The following CTNND2 variants were observed in gnomAD, a reference collection of about 807,000 sequenced individuals.
The protein encoded by CTNND2 is catenin delta 2.
Under a neutral mutation model 144.4 loss-of-function variants are expected in CTNND2, and 22 were observed. The observed-to-expected ratio is 0.15, with a 90% confidence interval of 0.11 to 0.22. CTNND2 has a LOEUF of 0.22. CTNND2 is among the 10% of genes least tolerant of loss of function. The pLI is 1.00. For synonymous variants in CTNND2, 751 were observed against 695.6 expected (o/e 1.08, Z -1.25); for missense variants, 1,353 against 1,618.8 (o/e 0.84, Z 2.82).
At chr5:11,467,129 T>C (rs570066372) in intron 3 of CTNND2, among the ~76,000 whole-genome samples, 1 of 152,330 alleles carries the variant, frequency 6.6e-6, no homozygotes, top group South Asian at 2.1e-4. Context: ...CATACCATCA[T>C]CTGTAAGAGA....
intron 16 of CTNND2, among the ~76,000 whole-genome samples, chr5:11,070,693 G>GA (rs34378533): frequency 0.5 from 76,051 of 151,884 alleles, 20,452 homozygotes; most frequent in Non-Finnish European, 0.63. Context: ...TTGAAGTGCT[G>GA]AAAAAAATTA....
chr5:11,250,520 T>TATACATATA (rs1491283471), intron 9 of CTNND2, among the ~76,000 whole-genome samples: 87 of 5,470 alleles, frequency 0.016, 3 homozygotes, highest in East Asian at 0.05. Context: ...TATACATATA[T>TATACATATA]TTTTTTTTTT....
rs951145954 is a variant in CTNND2, at chr5:10,988,108, C to T, written c.3343+3G>A. ...CAGGAGGGGGCGCGCGAGGGGCGCT[C>T]ACCTGTCATGGCATCTTTCCTGGAA... is the stretch of plus-strand genomic sequence containing the variant. On this transcript the variant is annotated splice_donor_region_variant and intron_variant, in intron 20 of 21. Coordinates refer to ENST00000304623, the MANE Select transcript of CTNND2 (RefSeq NM_001332.4). This position sits in a 1 kb window ranked among gnomAD's most constrained non-coding sequence, Gnocchi z 5.9. 3.1e-6 allele frequency: 5 copies of T among 1,614,072 alleles called. No individual in the cohort carries two copies. In the East Asian group the frequency reaches 1.1e-4, roughly 36 times the overall value.
intron 10 of CTNND2, among the ~76,000 whole-genome samples, chr5:11,220,772 G>T (rs867954928): frequency 6.6e-6 from 1 of 152,158 alleles, no homozygotes; most frequent in Admixed American, 6.5e-5. Context: ...GTTCAGAGAC[G>T]TTTTGGCTTA....
intron 3 of CTNND2, among the ~76,000 whole-genome samples, chr5:11,548,756 C>T (rs62338590): frequency 0.17 from 26,147 of 152,128 alleles, 2,658 homozygotes; most frequent in Admixed American, 0.29. Flanking sequence ...CGTTTCTTTA[C>T]ATTTTGTTTC....
intron 2 of CTNND2, among the ~76,000 whole-genome samples, chr5:11,700,305 G>C (rs1320220955): frequency 1.3e-5 from 2 of 152,092 alleles, no homozygotes. Context: ...CAGGAGAATT[G>C]CATGAACCCA....
At chr5:11,396,634 T>C (rs1222571930) in intron 6 of CTNND2, among the ~76,000 whole-genome samples, 1 of 152,088 alleles carries the variant, frequency 6.6e-6, no homozygotes, top group African/African-American at 2.4e-5. Flanking sequence ...CACAAAGCAA[T>C]CCCATGCTTT....
intron 1 of CTNND2, among the ~76,000 whole-genome samples, chr5:11,869,837 C>T (rs1795942515): frequency 6.6e-6 from 1 of 152,150 alleles, no homozygotes; most frequent in Non-Finnish European, 1.5e-5. Context: ...ATGTGTATTT[C>T]CTTTTCCTGT....
intron 9 of CTNND2, among the ~76,000 whole-genome samples, chr5:11,283,515 A>C (rs534458243): frequency 3.9e-5 from 6 of 151,988 alleles, no homozygotes; most frequent in Middle Eastern, 3.4e-3. Context: ...CTCTACTAAA[A>C]ATACAAAAAT....
chr5:11,849,211 C>T (rs972291584), intron 1 of CTNND2, among the ~76,000 whole-genome samples: 1 of 152,016 alleles, frequency 6.6e-6, no homozygotes, highest in Admixed American at 6.6e-5. Context: ...AAAGGGGTTT[C>T]TCCTTATAAA....
At position 11,110,066 on chromosome 5, in the gene CTNND2, G is replaced by T. The variant is rs562566057; in HGVS notation, c.2463+792C>A. Among the ~76,000 whole-genome samples, 4 of 152,252 alleles carry T rather than the reference G, an allele frequency of 2.6e-5. No individual in the cohort carries two copies. The South Asian group carries it at 6.2e-4, about 24-fold the overall frequency. ...GAAGTTAACCGCTGTTCCAGTGTTAGCAAAGGTGGGGATGCTTTGTCCTCC... is the reference window on the plus strand; with the variant it reads ...GAAGTTAACCGCTGTTCCAGTGTTATCAAAGGTGGGGATGCTTTGTCCTCC... On this transcript the variant is annotated intron_variant, in intron 14 of 21. Coordinates refer to ENST00000304623, the MANE Select transcript of CTNND2 (RefSeq NM_001332.4).
intron 9 of CTNND2, among the ~76,000 whole-genome samples, chr5:11,245,628 C>G (rs1006181958): frequency 3.0e-4 from 46 of 152,178 alleles, no homozygotes; most frequent in African/African-American, 1.1e-3. Context: ...GACACCTTGA[C>G]TGCAACACAA....
chr5:11,081,493 A>G (rs1242481299), intron 16 of CTNND2, among the ~76,000 whole-genome samples: 1 of 152,236 alleles, frequency 6.6e-6, no homozygotes, highest in African/African-American at 2.4e-5. Context: ...GGCAGAATAC[A>G]TACCAGTTAA....
At position 11,685,448 on chromosome 5, in the gene CTNND2, T is replaced by C. The variant is rs79899093; in HGVS notation, c.174+46688A>G. 5.7e-3 allele frequency among the ~76,000 whole-genome samples: 875 copies of C among 152,342 alleles called. 6 individuals carry two copies. The highest frequency in any genetic ancestry group is 0.02 in the African/African-American group (840 of 41,582). On this transcript the variant is annotated intron_variant, in intron 2 of 21. Transcript: ENST00000304623. Reference sequence around the variant, plus strand: ...TATTTGAGTGCCAGGTAATATTTGATTGTATGTGAACTAGGATCATAATGG... The same window carrying C: ...TATTTGAGTGCCAGGTAATATTTGACTGTATGTGAACTAGGATCATAATGG...
chr5:11,633,730 T>C (rs999731345), intron 2 of CTNND2, among the ~76,000 whole-genome samples: 1 of 149,934 alleles, frequency 6.7e-6, no homozygotes, highest in African/African-American at 2.5e-5. Context: ...AAGCCACAAA[T>C]GTGCCAATGT....
intron 6 of CTNND2, among the ~76,000 whole-genome samples, chr5:11,388,930 C>T (rs1432077912): frequency 1.3e-5 from 2 of 152,186 alleles, no homozygotes; most frequent in Non-Finnish European, 2.9e-5. Flanking sequence ...GTTTCATTTT[C>T]CTTTTTTAAA....
intron 1 of CTNND2, among the ~76,000 whole-genome samples, chr5:11,864,610 C>T (rs1795654110): frequency 6.6e-6 from 1 of 152,160 alleles, no homozygotes. Flanking sequence ...GGCAGGCTTT[C>T]TCAGCCACAG....
intron 2 of CTNND2, among the ~76,000 whole-genome samples, chr5:11,685,173 T>A (rs930182314): frequency 6.6e-6 from 1 of 152,182 alleles, no homozygotes; most frequent in Non-Finnish European, 1.5e-5. Context: ...CCTAAGACAT[T>A]TTCTTTGTCC....
intron 6 of CTNND2, 80 bp from the exon 7 acceptor site, chr5:11,385,309 A>T: frequency 1.0e-6 from 1 of 952,802 alleles, no homozygotes; most frequent in East Asian, 8.9e-5. Flanking sequence ...CGGCCCCGAG[A>T]GCAGAGGCAC....
Sources: allele counts gnomAD v4.1 joint callset (sites outside exome capture counted in the v4.1 genomes callset), GRCh38; gene constraint gnomAD v4.1.1; non-coding constraint Gnocchi (gnomAD v3.1); transcripts MANE v1.5; gene names NCBI Gene and HGNC (gene_info 2026-07-23, HGNC 2026-07-21).